EXOC6B: variants seen among roughly 807,000 people sequenced by gnomAD.
The protein encoded by EXOC6B is exocyst complex component 6B.
A neutral mutation model predicts 113.5 loss-of-function variants in EXOC6B; 54 were observed. The observed-to-expected ratio is 0.48, with a 90% CI of 0.38 to 0.60. The LOEUF (loss-of-function observed/expected upper bound fraction) is 0.60. Ranked by LOEUF, EXOC6B falls within the 20% of genes least tolerant of loss-of-function variation. The probability of loss-of-function intolerance (pLI) is 0.00; values close to 1 mark genes in which losing one functional copy is unlikely to be tolerated. For missense variants in EXOC6B, 797 were observed against 977.5 expected (o/e 0.82, Z 2.46); for synonymous variants, 357 against 339.0 (o/e 1.05, Z -0.58).
At chr2:72,658,877 A>G (rs930552318) in intron 6 of EXOC6B, among the ~76,000 whole-genome samples, 11 of 152,136 alleles carry the variant, frequency 7.2e-5, no homozygotes, top group African/African-American at 2.7e-4. Flanking sequence ...TGTTTTTATC[A>G]GATAATGATA....
At chr2:72,456,207 T>C (rs2105377357) in intron 18 of EXOC6B, among the ~76,000 whole-genome samples, 1 of 152,284 alleles carries the variant, frequency 6.6e-6, no homozygotes, top group East Asian at 1.9e-4. Flanking sequence ...AACAATACTC[T>C]TTCTTATTTG....
At position 72,741,362 on chromosome 2, in the gene EXOC6B, C is replaced by T. The variant is rs1163253032; in HGVS notation, c.221G>A (p.Gly74Asp). ...IEKMCNFHYQ[G>D]FVDSITELLK... ...CAGTTCAGTTATAGAGTCCACAAAG[C>T]CCTGGTAATGAAAGTTGCACATTTT... The change falls in exon 2 of 22, where the codon GGC becomes GAC. Residue 74 changes from glycine (G) to aspartate (D), a missense_variant. By Grantham distance (94) the Gly-to-Asp change is moderately conservative. Coordinates refer to ENST00000272427, the MANE Select transcript of EXOC6B (RefSeq NM_015189.3). The T allele has an allele frequency of 6.2e-7, 1 of 1,613,712 alleles. No individual in the cohort carries two copies. The highest frequency in any genetic ancestry group is 8.5e-7 in the Non-Finnish European group (1 of 1,179,836).
chr2:72,289,716 C>T (rs564180221), intron 20 of EXOC6B, among the ~76,000 whole-genome samples: 24 of 152,190 alleles, frequency 1.6e-4, no homozygotes, highest in Non-Finnish European at 2.9e-4. Context: ...GAGATTCACA[C>T]CTGAATTGGT....
At chr2:72,672,255 G>A (rs975622558) in intron 6 of EXOC6B, among the ~76,000 whole-genome samples, 14 of 148,272 alleles carry the variant, frequency 9.4e-5, no homozygotes, top group African/African-American at 2.5e-4. Context: ...ATCTACACTC[G>A]CATGTTTATT....
chr2:72,241,815 A>G (rs1031803738), intron 20 of EXOC6B, among the ~76,000 whole-genome samples: 4 of 152,176 alleles, frequency 2.6e-5, no homozygotes, highest in African/African-American at 9.7e-5. Flanking sequence ...ACAAACAAAT[A>G]TTGAGGAAAT....
At chr2:72,230,036 G>A (rs1251583514) in intron 20 of EXOC6B, among the ~76,000 whole-genome samples, 1 of 151,968 alleles carries the variant, frequency 6.6e-6, no homozygotes, top group Middle Eastern at 3.2e-3. Context: ...GAGTAAGGAG[G>A]GGGAGGAATG....
At chr2:72,580,717 C>T (rs1397668838) in intron 6 of EXOC6B, among the ~76,000 whole-genome samples, 3 of 152,148 alleles carry the variant, frequency 2.0e-5, no homozygotes, top group African/African-American at 7.2e-5. Flanking sequence ...TGGATACTTA[C>T]AGTACACTTC....
At chr2:72,554,696 C>G (rs1402720485) in intron 8 of EXOC6B, among the ~76,000 whole-genome samples, 2 of 152,218 alleles carry the variant, frequency 1.3e-5, no homozygotes, top group East Asian at 1.9e-4. Context: ...AGGTAGTGTT[C>G]TTTTCTTGAG....
intron 20 of EXOC6B, among the ~76,000 whole-genome samples, chr2:72,302,936 T>C (rs1043370711): frequency 2.6e-5 from 4 of 152,204 alleles, no homozygotes; most frequent in African/African-American, 9.6e-5. Flanking sequence ...TACTTAAGTC[T>C]GTTTTTGTAT....
At chr2:72,432,856 G>A (rs1695623632) in intron 18 of EXOC6B, among the ~76,000 whole-genome samples, 1 of 152,034 alleles carries the variant, frequency 6.6e-6, no homozygotes, top group Admixed American at 6.5e-5. Context: ...CCATTCTGTA[G>A]GCTGCCTGTT....
intron 18 of EXOC6B, among the ~76,000 whole-genome samples, chr2:72,436,917 C>T (rs1460875286): frequency 6.6e-6 from 1 of 152,140 alleles, no homozygotes; most frequent in African/African-American, 2.4e-5. Flanking sequence ...TCATCAAACT[C>T]ATTCTCCATC....
intron 8 of EXOC6B, among the ~76,000 whole-genome samples, chr2:72,550,549 T>C (rs1703151303): frequency 6.6e-6 from 1 of 152,214 alleles, no homozygotes; most frequent in Non-Finnish European, 1.5e-5. Context: ...TTCTGCCATA[T>C]AATCAATGCC....
chr2:72,316,224 G>A (rs1278883415), intron 20 of EXOC6B, among the ~76,000 whole-genome samples: 2 of 152,164 alleles, frequency 1.3e-5, no homozygotes, highest in African/African-American at 2.4e-5. Flanking sequence ...ACCAGAACTG[G>A]AAGAATATGA....
intron 1 of EXOC6B, among the ~76,000 whole-genome samples, chr2:72,753,900 AT>A (rs1233436177): frequency 1.5e-4 from 23 of 152,238 alleles, no homozygotes; most frequent in Middle Eastern, 3.4e-3. Flanking sequence ...TACAACTACT[AT>A]AACCTGATAC....
At chr2:72,669,592 G>A (rs187262414) in intron 6 of EXOC6B, among the ~76,000 whole-genome samples, 1 of 152,280 alleles carries the variant, frequency 6.6e-6, no homozygotes, top group Non-Finnish European at 1.5e-5. Flanking sequence ...TTCATAAAAT[G>A]TTAAAACATG....
intron 18 of EXOC6B, among the ~76,000 whole-genome samples, chr2:72,423,096 G>A (rs544735845): frequency 1.6e-4 from 24 of 152,198 alleles, no homozygotes; most frequent in Middle Eastern, 3.4e-3. Flanking sequence ...AACACTCACC[G>A]CGAAGATCTG....
chr2:72,608,321 T>C (rs568209395), intron 6 of EXOC6B, among the ~76,000 whole-genome samples: 47 of 152,206 alleles, frequency 3.1e-4, no homozygotes, highest in Non-Finnish European at 5.0e-4. Context: ...ACAATAAAAG[T>C]TCAGCAAGAT....
Position 72,540,258 on chromosome 2 carries a change from G to A in EXOC6B, c.915+19195C>T, listed in dbSNP as rs1011982640. On this transcript the variant is annotated intron_variant, in intron 8 of 21. Transcript: ENST00000272427. ...GTGAACAGTGCCGCAATAAACATAC[G>A]TGTGCATGTGTCTTTATAGCAGCAT... is the stretch of plus-strand genomic sequence containing the variant. Among the ~76,000 whole-genome samples, 37 of 152,010 alleles carry A rather than the reference G, an allele frequency of 2.4e-4. 1 individual carries two copies. Among genetic ancestry groups the A allele is most frequent in the African/African-American group, 8.7e-4 (36 of 41,458 alleles).
rs1434141196 is a variant in EXOC6B, at chr2:72,521,705, C to CT, written c.916-6580dup. 5.1e-4 allele frequency among the ~76,000 whole-genome samples: 78 copies of CT among 151,648 alleles called. 1 individual carries two copies. The highest frequency in any genetic ancestry group is 1.4e-3 in the African/African-American group (56 of 41,390). ...AGAAGGCAAGCAAGGCTTTGTTTAA[C>CT]TTTTTTTTTGAGATGGAGTCTCGCT... On this transcript the variant is annotated intron_variant, in intron 8 of 21. Transcript: ENST00000272427.
Sources: gnomAD v4.1 joint callset for allele counts (sites outside exome capture counted in the v4.1 genomes callset) on GRCh38, gnomAD v4.1.1 for gene constraint, MANE v1.5 for transcripts, NCBI Gene and HGNC (gene_info 2026-07-23, HGNC 2026-07-21) for gene names.